Variants in CSPG5 observed in about 807,000 individuals in gnomAD.
The protein encoded by CSPG5 is chondroitin sulfate proteoglycan 5.
A neutral mutation model predicts 39.8 loss-of-function variants in CSPG5; 25 were observed. The observed-to-expected ratio is 0.63, with a 90% CI of 0.46 to 0.88. The LOEUF (loss-of-function observed/expected upper bound fraction) is 0.88. CSPG5 is among the 40% of genes least tolerant of loss of function. The probability of loss-of-function intolerance (pLI) is 0.00; values close to 1 mark genes in which losing one functional copy is unlikely to be tolerated. For synonymous variants in CSPG5, 295 were observed against 303.9 expected, an observed-to-expected ratio of 0.97 and a Z score of 0.31; for missense variants, 627 against 702.2, an observed-to-expected ratio of 0.89 and a Z score of 1.21.
In CSPG5 at chr3:47,578,576, C is replaced by T. The variant is rs2031873755; in HGVS notation, c.97+21G>A. On this transcript the variant is annotated intron_variant, in intron 1 of 4. Transcript: ENST00000264723. The surrounding 1 kb of genome is among the most constrained non-coding windows in gnomAD (Gnocchi z 6.0). ...GGTGGGGCACGAGGGCCGCGGGGGTCCCGGGCGCAGTCATACCTACCCGGC... is the reference window on the plus strand; with the variant it reads ...GGTGGGGCACGAGGGCCGCGGGGGTTCCGGGCGCAGTCATACCTACCCGGC... The T allele has an allele frequency of 9.9e-7, 1 of 1,012,546 alleles. No homozygotes were observed. Among genetic ancestry groups the T allele is most frequent in the East Asian group, 4.0e-5 (1 of 25,028 alleles). 62.7% of individuals were successfully genotyped at this position (1,012,546 alleles called of 1,614,324 possible).
In CSPG5 at chr3:47,577,419, G is replaced by T. The variant is rs762824450; in HGVS notation, c.607C>A (p.Pro203Thr). The T allele has an allele frequency of 2.3e-5, 37 of 1,614,050 alleles. No individual in the cohort carries two copies. The highest frequency in any genetic ancestry group is 3.1e-5 in the Non-Finnish European group (37 of 1,180,034). The change falls in exon 2 of 5, where the codon CCG becomes ACG. Residue 203 changes from proline (P) to threonine (T), a missense_variant. Transcript: ENST00000264723. The surrounding 1 kb of genome is among the most constrained non-coding windows in gnomAD (Gnocchi z 4.7). ...TCGATGTCAATGATATCTGATGCCG[G>T]TTGGGGCTCCAGGGTGCCCTGAAAT... ...YPFQGTLEPQ[P>T]ASDIIDIDYF... is the part of the protein sequence containing the mutation.
At chr3:47,568,055 A>G (rs190505120) in intron 4 of CSPG5, among the ~76,000 whole-genome samples, 180 of 152,334 alleles carry the variant, frequency 1.2e-3, no homozygotes, top group African/African-American at 3.7e-3. Context: ...AGAAAGTTCC[A>G]CTGGACCGTA....
rs375620687 is a variant in CSPG5, at chr3:47,570,953, T to C, written c.1383-1726A>G. 1.5e-4 allele frequency among the ~76,000 whole-genome samples: 23 copies of C among 152,226 alleles called. No homozygotes were observed. In the Middle Eastern group the frequency reaches 0.01, roughly 68 times the overall value. ...ATCATAACTACCATATGGCCAACAG[T>C]GATCATAAGATGCCAGTGGCTGGGC... On this transcript the variant is annotated intron_variant, in intron 3 of 4. Transcript: ENST00000264723.
Position 47,577,607 on chromosome 3 carries a change from G to C in CSPG5, c.419C>G (p.Pro140Arg). Reference protein sequence around the residue: ...PHEVLGQSIMPPAIPEATEAS... With the variant: ...PHEVLGQSIMRPAIPEATEAS... Reference sequence around the variant, plus strand: ...CTCTGTAGCCTCAGGAATGGCAGGGGGCATGATTGACTGCCCGAGGACCTC... The same window carrying C: ...CTCTGTAGCCTCAGGAATGGCAGGGCGCATGATTGACTGCCCGAGGACCTC... Residue 140 changes from proline (P) to arginine (R), a missense_variant, in exon 2 of 5, where the codon CCC (proline) becomes CGC (arginine). Coordinates refer to ENST00000264723, the MANE Select transcript of CSPG5 (RefSeq NM_006574.4). The surrounding 1 kb of genome is among the most constrained non-coding windows in gnomAD (Gnocchi z 4.7). 6.2e-7 allele frequency: 1 copy of C among 1,611,428 alleles called. No individual in the cohort carries two copies. The highest frequency in any genetic ancestry group is 8.5e-7 in the Non-Finnish European group (1 of 1,179,692).
At chr3:47,566,894 C>T (rs972985024) in intron 4 of CSPG5, among the ~76,000 whole-genome samples, 15 of 152,178 alleles carry the variant, frequency 9.9e-5, no homozygotes, top group African/African-American at 3.6e-4. Flanking sequence ...GCCAACCACA[C>T]ACCGTGGCCG....
chr3:47,564,252 C>T (rs377616028), intron 4 of CSPG5, among the ~76,000 whole-genome samples: 29 of 152,302 alleles, frequency 1.9e-4, no homozygotes, highest in African/African-American at 7.0e-4. Flanking sequence ...GTGCTGCCTG[C>T]TACCAAGTTT....
chr3:47,576,188 C>T (rs1257040733), intron 2 of CSPG5, among the ~76,000 whole-genome samples: 2 of 152,050 alleles, frequency 1.3e-5, no homozygotes, highest in East Asian at 1.9e-4. Flanking sequence ...GTGCCCACCT[C>T]GGCCTCCCAA....
rs757710004 is a variant in CSPG5, at chr3:47,577,438, C to G, written c.588G>C (p.Gln196His). The change falls in exon 2 of 5, where the codon CAG (glutamine) becomes CAC (histidine). Residue 196 changes from glutamine to histidine, a missense_variant. Gln to His is a conservative substitution (Grantham distance 24). Transcript: ENST00000264723. The surrounding 1 kb of genome is among the most constrained non-coding windows in gnomAD (Gnocchi z 4.7). ...PQGPELTYPF[Q>H]GTLEPQPASD... Reference sequence around the variant, plus strand: ...ATGCCGGTTGGGGCTCCAGGGTGCCCTGAAATGGGTAAGTCAGCTCTGGCC... The same window carrying G: ...ATGCCGGTTGGGGCTCCAGGGTGCCGTGAAATGGGTAAGTCAGCTCTGGCC... 1 of 1,614,104 alleles carries G rather than the reference C, an allele frequency of 6.2e-7. No individual in the cohort carries two copies. Among genetic ancestry groups the G allele is most frequent in the Non-Finnish European group, 8.5e-7 (1 of 1,180,030 alleles).
intron 3 of CSPG5, among the ~76,000 whole-genome samples, chr3:47,571,592 C>T (rs1479539161): frequency 1.3e-5 from 2 of 152,226 alleles, no homozygotes; most frequent in East Asian, 1.9e-4. Context: ...GTACCAGCCC[C>T]GCGGCGGTTA....
chr3:47,573,117 T>C (rs1418077344), intron 2 of CSPG5, among the ~76,000 whole-genome samples: 6 of 152,182 alleles, frequency 3.9e-5, no homozygotes, highest in Non-Finnish European at 8.8e-5. Flanking sequence ...AACCGAGGTG[T>C]AGAGAAACTG....
Position 47,577,957 on chromosome 3 carries a change from G to A in CSPG5, c.98-29C>T, listed in dbSNP as rs773415706. The A allele has an allele frequency of 2.1e-5, 29 of 1,387,678 alleles. 1 individual carries two copies. The South Asian group carries it at 3.2e-4, about 15-fold the overall frequency. 86.0% of individuals were successfully genotyped at this position (1,387,678 alleles called of 1,614,324 possible). Reference sequence around the variant, plus strand: ...CGGGCGGGAGGGCAAGGGGCGGGACGTCAGGGCGGCGCGCTGAGGAGCCCT... The same window carrying A: ...CGGGCGGGAGGGCAAGGGGCGGGACATCAGGGCGGCGCGCTGAGGAGCCCT... On this transcript the variant is annotated intron_variant, in intron 1 of 4. Transcript: ENST00000264723. The surrounding 1 kb of genome is among the most constrained non-coding windows in gnomAD (Gnocchi z 4.7).
At chr3:47,574,042 C>T (rs746512412) in intron 2 of CSPG5, among the ~76,000 whole-genome samples, 1 of 152,116 alleles carries the variant, frequency 6.6e-6, no homozygotes. Flanking sequence ...GTTTTCAAGC[C>T]GTGGCCAGGC....
In CSPG5 at chr3:47,576,948, G is replaced by C; in HGVS notation, c.1078C>G (p.Arg360Gly). 1.2e-6 allele frequency: 2 copies of C among 1,613,670 alleles called. No individual in the cohort carries two copies. Among genetic ancestry groups the C allele is most frequent in the Non-Finnish European group, 1.7e-6 (2 of 1,179,762 alleles). ...CCGTTATGCCGCACAAAGCCACTGC[G>C]GCACTCAGTGCCATTTTCACTGGAG... ...LASSENGTEC[R>G]SGFVRHNGSC... The change falls in exon 2 of 5, where the codon CGC becomes GGC. Residue 360 changes from arginine (R) to glycine (G), a missense_variant. Coordinates refer to ENST00000264723, the MANE Select transcript of CSPG5 (RefSeq NM_006574.4).
intron 2 of CSPG5, among the ~76,000 whole-genome samples, chr3:47,573,845 G>A (rs533245049): frequency 6.6e-6 from 1 of 152,344 alleles, no homozygotes; most frequent in South Asian, 2.1e-4. Flanking sequence ...GTCATGGGGA[G>A]GCTATCTGTT....
In CSPG5 at chr3:47,577,256, A is replaced by T. The variant is rs2031785053; in HGVS notation, c.770T>A (p.Phe257Tyr). 1 of 1,612,006 alleles carries T rather than the reference A, an allele frequency of 6.2e-7. No individual in the cohort carries two copies. The change falls in exon 2 of 5, where the codon TTC becomes TAC. Residue 257 changes from phenylalanine to tyrosine, a missense_variant. By Grantham distance (22) the Phe-to-Tyr change is conservative. Transcript: ENST00000264723. This position sits in a 1 kb window ranked among gnomAD's most constrained non-coding sequence, Gnocchi z 4.7. ...SWSLLDLYDD[F>Y]TPFDESDFYP... ...GAAATCAGATTCATCGAAGGGGGTG[A>T]AATCATCGTATAAGTCAAGCAGGCT...
chr3:47,567,780 G>C lies in CSPG5; in HGVS notation c.1458+1372C>G, dbSNP rs1249053218. The stretch of plus-strand genomic sequence containing the variant: ...TAATCCCAACACTTTGGGAGGCTGC[G>C]GCAGGAAGATCACTTGAGCCCAGGG... On this transcript the variant is annotated intron_variant, in intron 4 of 4. Coordinates refer to ENST00000264723, the MANE Select transcript of CSPG5 (RefSeq NM_006574.4). Among the ~76,000 whole-genome samples, 8 of 152,310 alleles carry C rather than the reference G, an allele frequency of 5.3e-5. No individual in the cohort carries two copies. In the South Asian group the frequency reaches 1.7e-3, roughly 32 times the overall value.
At chr3:47,579,364 T>G (rs1354049156), upstream of CSPG5, 1 of 152,298 alleles carries the variant, frequency 6.6e-6, no homozygotes, top group Non-Finnish European at 1.5e-5. This position sits in a 1 kb window ranked among gnomAD's most constrained non-coding sequence, Gnocchi z 4.2. Flanking sequence ...GCGGGAAGGC[T>G]CTCAGGGAGG....
Position 47,572,817 on chromosome 3 carries a change from G to A in CSPG5, c.1251C>T (p.Thr417=), listed in dbSNP as rs368546280. 28 of 1,613,982 alleles carry A rather than the reference G, an allele frequency of 1.7e-5. No individual in the cohort carries two copies. The highest frequency in any genetic ancestry group is 8.9e-5 in the East Asian group (4 of 44,898). ...HKGMRCESII[T]DFQVMCVAVG... is the part of the protein sequence containing the mutation. ...CGGCCACGCACATCACCTGGAAGTC[G>A]GTGATGATGGACTCGCAGCGCATCC... is the stretch of plus-strand genomic sequence containing the variant. The change falls in exon 3 of 5, where the codon ACC becomes ACT. Residue 417 remains threonine, a synonymous_variant. Coordinates refer to ENST00000264723, the MANE Select transcript of CSPG5 (RefSeq NM_006574.4). This position sits in a 1 kb window ranked among gnomAD's most constrained non-coding sequence, Gnocchi z 4.5.
Position 47,578,454 on chromosome 3 carries a change from A to C in CSPG5, c.97+143T>G. ...TCCCGGACCCCCACCACCTCCTGGG[A>C]CCATTCCGCCGCCCGGCCGCGGCCA... On this transcript the variant is annotated intron_variant, in intron 1 of 4. Coordinates refer to ENST00000264723, the MANE Select transcript of CSPG5 (RefSeq NM_006574.4). The surrounding 1 kb of genome is among the most constrained non-coding windows in gnomAD (Gnocchi z 6.0). 4.3e-5 allele frequency: 8 copies of C among 186,832 alleles called. No homozygotes were observed. The highest frequency in any genetic ancestry group is 1.2e-4 in the East Asian group (1 of 8,036). 11.6% of individuals were successfully genotyped at this position (186,832 alleles called of 1,614,324 possible).
Sources: gnomAD v4.1 joint callset for allele counts (sites outside exome capture counted in the v4.1 genomes callset) on GRCh38, gnomAD v4.1.1 for gene constraint, Gnocchi (gnomAD v3.1) non-coding constraint, MANE v1.5 for transcripts, NCBI Gene and HGNC (gene_info 2026-07-23, HGNC 2026-07-21) for gene names.